Variants in DOCK1 observed in about 807,000 individuals in gnomAD.
The protein encoded by DOCK1 is dedicator of cytokinesis 1.
Under a neutral mutation model 262.7 loss-of-function variants are expected in DOCK1, and 138 were observed. That is an observed-to-expected ratio of 0.53 (90% CI 0.46 to 0.61). DOCK1 has a LOEUF of 0.61. Ranked by LOEUF, DOCK1 falls within the 20% of genes least tolerant of loss-of-function variation. The probability of loss-of-function intolerance (pLI) is 0.00; values close to 1 mark genes in which losing one functional copy is unlikely to be tolerated. For synonymous variants in DOCK1, 866 were observed against 867.4 expected, an observed-to-expected ratio of 1.00 and a Z score of 0.03; for missense variants, 1,908 against 2,370.7, an observed-to-expected ratio of 0.80 and a Z score of 4.05.
chr10:127,425,384 C>T (rs755109739), intron 46 of DOCK1, among the ~76,000 whole-genome samples: 42 of 152,040 alleles, frequency 2.8e-4, no homozygotes, highest in Admixed American at 7.2e-4. Context: ...CGCAGAGAAG[C>T]GATTATTTTT....
chr10:127,343,244 C>G (rs532089487), intron 30 of DOCK1, among the ~76,000 whole-genome samples: 1 of 152,250 alleles, frequency 6.6e-6, no homozygotes, highest in Non-Finnish European at 1.5e-5. Flanking sequence ...GACTCCATCT[C>G]AATAAAAAAG....
intron 27 of DOCK1, among the ~76,000 whole-genome samples, chr10:127,190,965 C>T (rs562071820): frequency 4.6e-5 from 7 of 152,218 alleles, no homozygotes; most frequent in Admixed American, 3.9e-4. Flanking sequence ...TTGTTTCAAA[C>T]ATCAACAGAG....
rs1255712691 is a variant in DOCK1, at chr10:127,193,534, C to G, written c.2848-54474C>G. On this transcript the variant is annotated intron_variant, in intron 27 of 51. Coordinates refer to ENST00000623213, the MANE Select transcript of DOCK1 (RefSeq NM_001290223.2). Reference sequence around the variant, plus strand: ...CACCTGCTTCTCATATTCCAGAGTTCAGTAGTTGTCTCTAAATGAGATAGC... The same window carrying G: ...CACCTGCTTCTCATATTCCAGAGTTGAGTAGTTGTCTCTAAATGAGATAGC... Among the ~76,000 whole-genome samples, 3 of 152,094 alleles carry G rather than the reference C, an allele frequency of 2.0e-5. No homozygotes were observed. In the South Asian group the frequency reaches 6.2e-4, roughly 32 times the overall value.
At chr10:127,296,945 G>C (rs1214269750) in intron 29 of DOCK1, among the ~76,000 whole-genome samples, 1 of 152,228 alleles carries the variant, frequency 6.6e-6, no homozygotes, top group Non-Finnish European at 1.5e-5. Flanking sequence ...TTTTCACTGA[G>C]ATAGAGCCTG....
At chr10:127,296,330 G>GT (rs947318950) in intron 29 of DOCK1, among the ~76,000 whole-genome samples, 3 of 152,200 alleles carry the variant, frequency 2.0e-5, no homozygotes, top group Admixed American at 2.0e-4. Context: ...CCATCCTCAC[G>GT]TAGTGGAGCT....
At chr10:127,021,667 C>T (rs569194620) in intron 13 of DOCK1, among the ~76,000 whole-genome samples, 4 of 152,190 alleles carry the variant, frequency 2.6e-5, no homozygotes, top group South Asian at 4.1e-4. Context: ...CTGTGCTCCA[C>T]GGTTCTTCTC....
At chr10:127,439,518 A>C (rs2069936486) in intron 49 of DOCK1, among the ~76,000 whole-genome samples, 1 of 152,176 alleles carries the variant, frequency 6.6e-6, no homozygotes, top group African/African-American at 2.4e-5. Context: ...TGTTTCCTAC[A>C]CATGTCCTAA....
At chr10:127,185,292 G>T (rs950197463) in intron 27 of DOCK1, among the ~76,000 whole-genome samples, 6 of 152,174 alleles carry the variant, frequency 3.9e-5, no homozygotes, top group African/African-American at 1.4e-4. Flanking sequence ...ACTTTGGGAG[G>T]CTGAGGTGGG....
intron 29 of DOCK1, among the ~76,000 whole-genome samples, chr10:127,285,881 C>T (rs2061133610): frequency 6.6e-6 from 1 of 152,230 alleles, no homozygotes; most frequent in Non-Finnish European, 1.5e-5. Flanking sequence ...CTCCGTGAAA[C>T]TACCTAAGCA....
At chr10:127,047,334 C>G (rs944793793) in intron 21 of DOCK1, among the ~76,000 whole-genome samples, 4 of 152,136 alleles carry the variant, frequency 2.6e-5, no homozygotes, top group Non-Finnish European at 5.9e-5. Context: ...GTAAAGAAAT[C>G]TCACATTACT....
chr10:126,974,202 A>G (rs975596207), intron 2 of DOCK1, among the ~76,000 whole-genome samples: 5 of 152,226 alleles, frequency 3.3e-5, no homozygotes, highest in African/African-American at 1.2e-4. Context: ...GGGCGTGCCA[A>G]TCCTGCTGTC....
intron 27 of DOCK1, among the ~76,000 whole-genome samples, chr10:127,166,158 C>T (rs759349607): frequency 2.6e-5 from 4 of 152,300 alleles, no homozygotes; most frequent in East Asian, 3.9e-4. Flanking sequence ...CTCTGCCTCC[C>T]GGGCTCACTC....
intron 23 of DOCK1, among the ~76,000 whole-genome samples, chr10:127,077,270 C>T (rs996627910): frequency 2.6e-5 from 4 of 152,018 alleles, no homozygotes; most frequent in African/African-American, 9.7e-5. Context: ...TGGTGGGCTC[C>T]TGTAATCCTG....
intron 29 of DOCK1, among the ~76,000 whole-genome samples, chr10:127,280,632 T>G (rs1316303438): frequency 6.6e-6 from 1 of 152,158 alleles, no homozygotes; most frequent in Non-Finnish European, 1.5e-5. Flanking sequence ...ATCAGAGAAT[T>G]CTGGGCATAG....
chr10:127,276,661 T>C (rs1033077664), intron 29 of DOCK1, among the ~76,000 whole-genome samples: 10 of 152,178 alleles, frequency 6.6e-5, no homozygotes, highest in Non-Finnish European at 1.2e-4. Context: ...TTTAGAGGTA[T>C]AGATTGTACA....
intron 1 of DOCK1, among the ~76,000 whole-genome samples, chr10:126,947,062 A>C (rs2035472788): frequency 1.3e-5 from 2 of 152,222 alleles, no homozygotes; most frequent in Non-Finnish European, 2.9e-5. Context: ...GCTTGGCAGC[A>C]GCATGCCCTC....
At chr10:127,416,997 C>G (rs2068196485) in intron 44 of DOCK1, among the ~76,000 whole-genome samples, 1 of 152,218 alleles carries the variant, frequency 6.6e-6, no homozygotes, top group South Asian at 2.1e-4. Context: ...CAGACAACCT[C>G]TGTTATGTCC....
intron 6 of DOCK1, among the ~76,000 whole-genome samples, chr10:126,993,482 C>T (rs1304169856): frequency 2.6e-5 from 4 of 152,208 alleles, no homozygotes; most frequent in Admixed American, 6.5e-5. Context: ...TGTACCAGCA[C>T]GTTCCTAGGG....
intron 27 of DOCK1, among the ~76,000 whole-genome samples, chr10:127,139,258 G>T (rs1442445193): frequency 6.6e-6 from 1 of 152,086 alleles, no homozygotes; most frequent in East Asian, 1.9e-4. Context: ...TGACATTTTG[G>T]AAAGACAGAA....
Sources: gnomAD v4.1 joint callset for allele counts (sites outside exome capture counted in the v4.1 genomes callset) on GRCh38, gnomAD v4.1.1 for gene constraint, MANE v1.5 for transcripts, NCBI Gene and HGNC (gene_info 2026-07-23, HGNC 2026-07-21) for gene names.